ZPBP: variants seen among roughly 807,000 people sequenced by gnomAD.
ZPBP encodes the protein zona pellucida binding protein.
In ZPBP, 26 loss-of-function variants were observed where a neutral mutation model predicts 44.8. The observed-to-expected ratio is 0.58, with a 90% CI of 0.43 to 0.81. ZPBP has a LOEUF of 0.81. Ranked by LOEUF, ZPBP falls within the 30% of genes least tolerant of loss-of-function variation. The pLI is 0.00. For missense variants in ZPBP, 409 were observed against 434.0 expected (o/e 0.94, Z 0.51); for synonymous variants, 174 against 153.2 (o/e 1.14, Z -1.00).
intron 3 of ZPBP, among the ~76,000 whole-genome samples, chr7:50,064,518 A>G (rs991320782): frequency 3.3e-5 from 5 of 152,194 alleles, no homozygotes; most frequent in African/African-American, 1.2e-4. Flanking sequence ...AGCCTCGACC[A>G]TAAGAGACAG....
chr7:50,010,198 T>C (rs1798505109), intron 6 of ZPBP, among the ~76,000 whole-genome samples: 1 of 151,902 alleles, frequency 6.6e-6, no homozygotes, highest in Non-Finnish European at 1.5e-5. Context: ...AAGAATACAG[T>C]GGGATGAATA....
At chr7:49,842,945 T>C in the ZPBP span, among the ~76,000 whole-genome samples, 152 of 152,342 alleles carry the variant, frequency 1.0e-3, 2 homozygotes, top group African/African-American at 3.4e-3. Flanking sequence ...GCAGGTTTGA[T>C]ACCTGGGTGT....
intron 6 of ZPBP, among the ~76,000 whole-genome samples, chr7:50,010,418 CAA>C (rs759278340): frequency 1.4e-5 from 2 of 143,790 alleles, no homozygotes; most frequent in African/African-American, 2.5e-5. Flanking sequence ...CATCCATAGG[CAA>C]AAAAAAAAAG....
rs2128811718 is a variant in ZPBP, at chr7:50,031,106, A to G, written c.692T>C (p.Phe231Ser). 6.2e-7 allele frequency: 1 copy of G among 1,613,582 alleles called. No individual in the cohort carries two copies. Among genetic ancestry groups the G allele is most frequent in the Non-Finnish European group, 8.5e-7 (1 of 1,179,786 alleles). Residue 231 changes from phenylalanine to serine, a missense_variant, in exon 5 of 8, where the codon TTC becomes TCC. Coordinates refer to ENST00000046087, the MANE Select transcript of ZPBP (RefSeq NM_007009.3). ...TATAGACTTACCTGAAAATGCAAAG[A>G]ACAATTCATTTTGCAAACCAGCTCT... ...MQRAGLQNEL[F>S]FAFSVSSLDT...
intron 2 of ZPBP, among the ~76,000 whole-genome samples, chr7:49,854,834 G>A (rs1454836734): frequency 6.6e-6 from 1 of 152,208 alleles, no homozygotes; most frequent in Non-Finnish European, 1.5e-5. Context: ...TGGTGCACTT[G>A]TCACAACACC....
chr7:49,929,282 AAAG>A (rs1288754371), intron 1 of ZPBP, among the ~76,000 whole-genome samples: 1 of 152,196 alleles, frequency 6.6e-6, no homozygotes, highest in East Asian at 1.9e-4. Flanking sequence ...CTGGATGCAG[AAAG>A]AAGGAGAGAT....
chr7:49,867,710 G>T (rs1049028642), intron 2 of ZPBP, among the ~76,000 whole-genome samples: 2 of 152,224 alleles, frequency 1.3e-5, no homozygotes, highest in African/African-American at 4.8e-5. Context: ...CTGTCAGTCA[G>T]CCACGATCCC....
At chr7:50,086,784 A>G (rs1486850107) in intron 2 of ZPBP, among the ~76,000 whole-genome samples, 1 of 152,046 alleles carries the variant, frequency 6.6e-6, no homozygotes, top group Non-Finnish European at 1.5e-5. Context: ...TTTTTTAATA[A>G]TCGCAAAAAA....
intron 2 of ZPBP, among the ~76,000 whole-genome samples, chr7:49,857,383 A>T (rs1161016173): frequency 6.6e-6 from 1 of 152,214 alleles, no homozygotes; most frequent in African/African-American, 2.4e-5. Context: ...TTTAAGCCTG[A>T]ATATTCCAAT....
At chr7:49,926,584 G>A (rs554993241) in intron 1 of ZPBP, among the ~76,000 whole-genome samples, 21 of 152,260 alleles carry the variant, frequency 1.4e-4, no homozygotes, top group Non-Finnish European at 2.8e-4. Context: ...TACCCTCTTT[G>A]CCCACGGGGT....
chr7:50,066,850 G>A (rs1033180608), intron 3 of ZPBP, among the ~76,000 whole-genome samples: 1 of 152,210 alleles, frequency 6.6e-6, no homozygotes, highest in African/African-American at 2.4e-5. Context: ...CCTTACCAGT[G>A]GCTGGGTTTC....
intron 1 of ZPBP, among the ~76,000 whole-genome samples, chr7:50,091,538 G>C (rs1474274425): frequency 1.3e-5 from 2 of 152,098 alleles, no homozygotes; most frequent in Non-Finnish European, 2.9e-5. Flanking sequence ...AAAAATTCTA[G>C]AAGATAATAT....
chr7:49,917,038 C>G (rs1311246757), intron 1 of ZPBP: 1 of 152,136 alleles, frequency 6.6e-6, no homozygotes, highest in South Asian at 2.1e-4. Flanking sequence ...TTTCTTATTT[C>G]TAATTTTTGG....
At chr7:49,879,000 T>C (rs1791561843) in intron 2 of ZPBP, among the ~76,000 whole-genome samples, 1 of 152,204 alleles carries the variant, frequency 6.6e-6, no homozygotes, top group Admixed American at 6.5e-5. Flanking sequence ...TTTATGTCAC[T>C]GTGTATTCTC....
At position 50,018,103 on chromosome 7, in the gene ZPBP, G is replaced by A. The variant is rs1798904000; in HGVS notation, c.783+137C>T. On this transcript the variant is annotated intron_variant, in intron 6 of 7. Transcript: ENST00000046087. ...TTAATGTCTTATCTTTTATTAGTGG[G>A]TAAAGTTTTATTTTTATTGTTGAAA... 4.0e-5 allele frequency: 26 copies of A among 653,544 alleles called. 1 individual carries two copies. The South Asian group carries it at 4.5e-4, about 11-fold the overall frequency. The allele number at this position is 653,544 out of a possible 1,614,324, so 40.5% of individuals were successfully genotyped here. A position where few individuals can be genotyped will look rare whatever the true frequency, so the allele number is the denominator to read the frequency against.
At chr7:49,903,384 C>T (rs985770170) in intron 1 of ZPBP, among the ~76,000 whole-genome samples, 1 of 152,114 alleles carries the variant, frequency 6.6e-6, no homozygotes, top group Non-Finnish European at 1.5e-5. Flanking sequence ...ACAGCCATAC[C>T]ATGGAATACA....
intron 6 of ZPBP, among the ~76,000 whole-genome samples, chr7:49,986,492 C>T (rs1797287439): frequency 6.6e-6 from 1 of 152,192 alleles, no homozygotes; most frequent in Non-Finnish European, 1.5e-5. Context: ...CAGTGTCTTC[C>T]CCTCCCTTGG....
chr7:50,077,645 G>T (rs1255467655), intron 3 of ZPBP, among the ~76,000 whole-genome samples: 1 of 151,872 alleles, frequency 6.6e-6, no homozygotes, highest in Non-Finnish European at 1.5e-5. Context: ...ATGAAATGGT[G>T]CTCAACATCA....
intron 5 of ZPBP, among the ~76,000 whole-genome samples, chr7:50,027,898 T>A (rs56662433): frequency 0.014 from 2,194 of 152,030 alleles, 60 homozygotes; most frequent in African/African-American, 0.05. Flanking sequence ...TATAACTAAG[T>A]AAGGAGTTTG....
Sources: gnomAD v4.1 joint callset for allele counts (sites outside exome capture counted in the v4.1 genomes callset) on GRCh38, gnomAD v4.1.1 for gene constraint, MANE v1.5 for transcripts, NCBI Gene and HGNC (gene_info 2026-07-23, HGNC 2026-07-21) for gene names.